R3HCC1L: variants seen among roughly 807,000 people sequenced by gnomAD.
The protein encoded by R3HCC1L is coiled-coil domain-containing protein R3HCC1L.
Under a neutral mutation model 59.9 loss-of-function variants are expected in R3HCC1L, and 51 were observed. The ratio of observed to expected loss-of-function variants is 0.85; its 90% CI spans 0.68 to 1.07. The LOEUF (loss-of-function observed/expected upper bound fraction) is 1.07, where lower values mean the gene tolerates loss of function less well. Ranked by LOEUF, R3HCC1L falls within the 50% of genes least tolerant of loss-of-function variation. The probability of loss-of-function intolerance (pLI) is 0.00; values close to 1 mark genes in which losing one functional copy is unlikely to be tolerated. For missense variants in R3HCC1L, 965 were observed against 933.0 expected (o/e 1.03, Z -0.45); for synonymous variants, 322 against 315.2 (o/e 1.02, Z -0.23).
chr10:98,152,377 C>T (rs577336811), intron 1 of R3HCC1L, among the ~76,000 whole-genome samples: 1,719 of 151,788 alleles, frequency 0.011, 41 homozygotes, highest in African/African-American at 0.039. Flanking sequence ...GCCGCCACCC[C>T]GTCTGGGAAG....
chr10:98,167,710 A>T (rs1454304470), intron 4 of R3HCC1L, among the ~76,000 whole-genome samples: 1 of 152,210 alleles, frequency 6.6e-6, no homozygotes, highest in Non-Finnish European at 1.5e-5. Flanking sequence ...CAATCCACGG[A>T]CTTTGAAATC....
intron 5 of R3HCC1L, among the ~76,000 whole-genome samples, chr10:98,212,577 G>A (rs893174924): frequency 6.6e-6 from 1 of 152,146 alleles, no homozygotes; most frequent in Admixed American, 6.6e-5. Flanking sequence ...CTAAAGCCAC[G>A]GTATGGAATG....
intron 4 of R3HCC1L, among the ~76,000 whole-genome samples, chr10:98,195,115 A>T (rs1056522989): frequency 6.6e-6 from 1 of 152,212 alleles, no homozygotes; most frequent in African/African-American, 2.4e-5. Flanking sequence ...GCATGTACCT[A>T]CAACAGAATA....
intron 5 of R3HCC1L, among the ~76,000 whole-genome samples, chr10:98,216,396 C>T (rs1854211538): frequency 2.0e-5 from 3 of 151,664 alleles, no homozygotes; most frequent in Admixed American, 2.0e-4. Context: ...TGCCTGTGGT[C>T]CCAGCTACTG....
Position 98,223,360 on chromosome 10 carries a change from C to T in R3HCC1L, c.1786-8152C>T, listed in dbSNP as rs147440873. ...TCCACCATGATCAAGTGGGCTTCAT[C>T]CCTGGGATGCAAGATTTATTTTTCA... On this transcript the variant is annotated intron_variant, in intron 5 of 9. Transcript: ENST00000298999. Among the ~76,000 whole-genome samples the T allele has an allele frequency of 6.7e-3, 1,018 of 152,180 alleles. 17 individuals carry two copies. The highest frequency in any genetic ancestry group is 0.023 in the African/African-American group (938 of 41,502).
At chr10:98,178,201 T>G (rs1480248178) in intron 4 of R3HCC1L, among the ~76,000 whole-genome samples, 3 of 152,248 alleles carry the variant, frequency 2.0e-5, no homozygotes, top group Non-Finnish European at 4.4e-5. Context: ...GTTTTAGGTC[T>G]AACATTTAAG....
intron 1 of R3HCC1L, among the ~76,000 whole-genome samples, chr10:98,142,750 C>T (rs1156735373): frequency 1.3e-5 from 2 of 151,944 alleles, no homozygotes; most frequent in East Asian, 3.9e-4. Flanking sequence ...GCCTGGCCAA[C>T]ATGGCAAAAC....
intron 1 of R3HCC1L, among the ~76,000 whole-genome samples, chr10:98,136,705 T>C (rs967451819): frequency 1.3e-5 from 2 of 151,904 alleles, no homozygotes; most frequent in South Asian, 4.1e-4. Context: ...GGTGTAGTGG[T>C]GCACGCCTGT....
At chr10:98,140,145 G>A (rs1845001304) in intron 1 of R3HCC1L, among the ~76,000 whole-genome samples, 2 of 151,998 alleles carry the variant, frequency 1.3e-5, no homozygotes, top group African/African-American at 2.4e-5. Context: ...GCTTGCAGTT[G>A]TGCTGTTTCA....
chr10:98,154,182 C>CAAAAAAAA (rs61379048), intron 1 of R3HCC1L, among the ~76,000 whole-genome samples: 33 of 92,812 alleles, frequency 3.6e-4, no homozygotes, highest in East Asian at 6.5e-4. Context: ...AGAGAATAAG[C>CAAAAAAAA]AAAAAAAAAA....
intron 5 of R3HCC1L, among the ~76,000 whole-genome samples, chr10:98,229,280 G>C (rs969676589): frequency 2.0e-5 from 3 of 152,068 alleles, no homozygotes; most frequent in Non-Finnish European, 4.4e-5. Context: ...GTTTGTAGTT[G>C]TCCTTGAAGA....
intron 5 of R3HCC1L, among the ~76,000 whole-genome samples, chr10:98,222,506 G>C (rs1313557611): frequency 6.6e-6 from 1 of 151,914 alleles, no homozygotes; most frequent in African/African-American, 2.4e-5. Context: ...GTATGATATT[G>C]GCTGTGGGTT....
chr10:98,165,488 A>G (rs1282172125), intron 4 of R3HCC1L, among the ~76,000 whole-genome samples: 2 of 152,230 alleles, frequency 1.3e-5, no homozygotes, highest in Non-Finnish European at 2.9e-5. Context: ...CTAGGCCTTT[A>G]TCTCAGACAA....
intron 4 of R3HCC1L, among the ~76,000 whole-genome samples, chr10:98,190,468 A>G (rs1850704779): frequency 6.6e-6 from 1 of 152,222 alleles, no homozygotes; most frequent in Admixed American, 6.5e-5. Flanking sequence ...TGCCTGTTGT[A>G]TACTTTTCTG....
chr10:98,174,634 G>A lies in R3HCC1L; in HGVS notation c.-15+11237G>A, dbSNP rs572816522. ...GGAGGGCGTTAGACATTATCAAGGA[G>A]GGCATTTCAGAAGTTGGAAGGAGCA... On this transcript the variant is annotated intron_variant, in intron 4 of 9. Transcript: ENST00000298999. 10 of 985,316 alleles carry A rather than the reference G, an allele frequency of 1.0e-5. No homozygotes were observed. In the South Asian group the frequency reaches 4.2e-4, roughly 42 times the overall value. The allele number at this position is 985,316 out of a possible 1,614,324, so 61.0% of individuals were successfully genotyped here.
At chr10:98,204,178 G>A (rs916896100) in intron 4 of R3HCC1L, among the ~76,000 whole-genome samples, 3 of 152,170 alleles carry the variant, frequency 2.0e-5, no homozygotes, top group African/African-American at 4.8e-5. Context: ...GGAGGCCCAC[G>A]TGGGCGGATC....
chr10:98,234,344 A>T, intron 6 of R3HCC1L, 102 bp from the exon 7 acceptor site: 1 of 1,021,916 alleles, frequency 9.8e-7, no homozygotes, highest in Non-Finnish European at 1.5e-6. Flanking sequence ...GCACTCGTTG[A>T]GTGTTTCTAT....
chr10:98,211,046 G>A (rs909271729), intron 5 of R3HCC1L, among the ~76,000 whole-genome samples: 2 of 152,150 alleles, frequency 1.3e-5, no homozygotes, highest in African/African-American at 4.8e-5. Flanking sequence ...ATCCTGTCAG[G>A]TCAGGAAACA....
At chr10:98,168,566 A>G (rs566361503) in intron 4 of R3HCC1L, among the ~76,000 whole-genome samples, 1 of 152,084 alleles carries the variant, frequency 6.6e-6, no homozygotes, top group Non-Finnish European at 1.5e-5. Context: ...CTTGATACTC[A>G]GTTTTTTCAT....
Sources: gnomAD v4.1 joint callset for allele counts (sites outside exome capture counted in the v4.1 genomes callset) on GRCh38, gnomAD v4.1.1 for gene constraint, MANE v1.5 for transcripts, NCBI Gene and HGNC (gene_info 2026-07-23, HGNC 2026-07-21) for gene names.